The following PLXND1 variants were observed in gnomAD, a reference collection of about 807,000 sequenced individuals.
The protein encoded by PLXND1 is plexin-D1.
A neutral mutation model predicts 197.7 loss-of-function variants in PLXND1; 54 were observed. The observed-to-expected ratio is 0.27, with a 90% CI of 0.22 to 0.34. The LOEUF is 0.34. Among genes scored for constraint, PLXND1 ranks in the 10% least tolerant of loss-of-function variants. The pLI, the probability that PLXND1 is intolerant of heterozygous loss-of-function variation, is 1.00. For missense variants in PLXND1, 2,127 were observed against 2,699.2 expected, an observed-to-expected ratio of 0.79 and a Z score of 4.70; for synonymous variants, 1,180 against 1,161.2, an observed-to-expected ratio of 1.02 and a Z score of -0.33.
Position 129,605,775 on chromosome 3 carries a change from G to A in PLXND1, c.865C>T (p.Pro289Ser). Residue 289 changes from proline to serine, a missense_variant, in exon 1 of 36, where the codon CCG (proline) becomes TCG (serine). By Grantham distance (74) the Pro-to-Ser change is moderately conservative (BLOSUM62 -1). Coordinates refer to ENST00000324093, the MANE Select transcript of PLXND1 (RefSeq NM_015103.3). ...GCGTAGGACTGTGCACCCGGCGGCG[G>A]GTCGGACGGGTGCAGGAAGGCGCTC... The part of the protein sequence containing the change: ...FVSAFLHPSD[P>S]PPGAQSYAYL... 2 of 1,576,950 alleles carry A rather than the reference G, an allele frequency of 1.3e-6. No individual in the cohort carries two copies. Among genetic ancestry groups the A allele is most frequent in the Non-Finnish European group, 1.7e-6 (2 of 1,162,772 alleles).
chr3:129,583,074 A>G (rs866547364), intron 8 of PLXND1, among the ~76,000 whole-genome samples: 10 of 152,196 alleles, frequency 6.6e-5, no homozygotes, highest in Admixed American at 3.9e-4. Flanking sequence ...AGGGGAGAAT[A>G]TGGGCTCCAG....
Position 129,556,618 on chromosome 3 carries a change from T to C in PLXND1, c.5660A>G (p.Gln1887Arg). 2 of 1,610,692 alleles carry C rather than the reference T, an allele frequency of 1.2e-6. No homozygotes were observed. Among genetic ancestry groups the C allele is most frequent in the Admixed American group, 1.7e-5 (1 of 59,816 alleles). The change falls in exon 35 of 36, where the codon CAG becomes CGG. Residue 1887 changes from glutamine (Q) to arginine (R), a missense_variant and splice_region_variant. By Grantham distance (43) the Gln-to-Arg change is conservative (BLOSUM62 1). Around this residue, in one of 6 missense-constraint regions of PLXND1, gnomAD observed 200 missense variants for 303.3 expected, o/e 0.66. Coordinates refer to ENST00000324093, the MANE Select transcript of PLXND1 (RefSeq NM_015103.3). ...IYKYAKRYRP[Q>R]IMAALEANPT... ...GGTGCCTCACCCTGGGGCACTCACCTGCGGCCGATACCTCTTGGCGTACTT... is the reference window on the plus strand; with the variant it reads ...GGTGCCTCACCCTGGGGCACTCACCCGCGGCCGATACCTCTTGGCGTACTT...
intron 5 of PLXND1, among the ~76,000 whole-genome samples, 194 bp from the exon 6 acceptor site, chr3:129,584,756 A>C (rs1222679650): frequency 6.6e-6 from 1 of 152,096 alleles, no homozygotes; most frequent in Non-Finnish European, 1.5e-5. Context: ...CCAGCTGCAA[A>C]ATGAAACATC....
At chr3:129,570,044 A>G in intron 19 of PLXND1, 87 bp from the exon 20 acceptor site, 1 of 765,720 alleles carries the variant, frequency 1.3e-6, no homozygotes, top group South Asian at 1.4e-5. Context: ...CCCTGGGTAA[A>G]TTACCTAACC....
intron 23 of PLXND1, among the ~76,000 whole-genome samples, 185 bp downstream of exon 23, chr3:129,566,342 C>T (rs1437467030): frequency 3.9e-5 from 6 of 152,070 alleles, no homozygotes; most frequent in African/African-American, 1.4e-4. Flanking sequence ...GGGGGCAGCA[C>T]TTATAATACC....
chr3:129,589,373 G>A lies in PLXND1; in HGVS notation c.1466C>T (p.Thr489Met), dbSNP rs771612189. Residue 489 changes from threonine (T) to methionine (M), a missense_variant, in exon 2 of 36, where the codon ACG (threonine) becomes ATG (methionine). This residue lies in a region of PLXND1 where 1,095 missense variants were observed against 1,259.8 expected (regional missense o/e 0.87). Transcript: ENST00000324093. Reference sequence around the variant, plus strand: ...TACCTTGAGAAGCCTCCCGTTGACCGTGCCCAGGAAGACCGCTGTGTAGTT... The same window carrying A: ...TACCTTGAGAAGCCTCCCGTTGACCATGCCCAGGAAGACCGCTGTGTAGTT... ...VNNYTAVFLG[T>M]VNGRLLKINL... The A allele has an allele frequency of 2.4e-5, 32 of 1,318,506 alleles. 1 individual carries two copies. Among genetic ancestry groups the A allele is most frequent in the Admixed American group, 6.8e-5 (3 of 44,276 alleles). 81.7% of individuals were successfully genotyped at this position (1,318,506 alleles called of 1,614,324 possible).
At chr3:129,565,824 G>T in intron 24 of PLXND1, 63 bp downstream of exon 24, 1 of 1,565,464 alleles carries the variant, frequency 6.4e-7, no homozygotes, top group Non-Finnish European at 8.7e-7. Context: ...CCCAGGACCT[G>T]ATGCTGTGTG....
rs1249276228 is a variant in PLXND1 at position 129,572,596 on chromosome 3, C to A, written c.3077+13G>T. 7 of 1,505,526 alleles carry A rather than the reference C, an allele frequency of 4.6e-6. No individual in the cohort carries two copies. The East Asian group carries it at 1.4e-4, about 30-fold the overall frequency. 93.3% of individuals were successfully genotyped at this position (1,505,526 alleles called of 1,614,324 possible). ...TCTGGGCTGGAAGGGATGGGCCAGG[C>A]CCAGAGGCTTACATCAGCTCCGTGC... On this transcript the variant is annotated intron_variant, in intron 15 of 35. Coordinates refer to ENST00000324093, the MANE Select transcript of PLXND1 (RefSeq NM_015103.3).
Position 129,562,812 on chromosome 3 carries a change from C to A in PLXND1, c.4800G>T (p.Trp1600Cys), listed in dbSNP as rs1334369379. ...AFCKNVPYSQWPRAEDVDLEW... is the reference protein window; with the variant it reads ...AFCKNVPYSQCPRAEDVDLEW... ...CAAGGTCGACGTCCTCTGCACGCGG[C>A]CACTGGGAGTAGGGCACATTCTTGC... Residue 1600 changes from tryptophan (W) to cysteine (C), a missense_variant, in exon 27 of 36, where the codon TGG becomes TGT. Trp to Cys is a radical substitution (Grantham distance 215, BLOSUM62 -2). This residue lies in a region of PLXND1 where 532 missense variants were observed against 811.0 expected (regional missense o/e 0.66). Coordinates refer to ENST00000324093, the MANE Select transcript of PLXND1 (RefSeq NM_015103.3). 6.2e-7 allele frequency: 1 copy of A among 1,604,996 alleles called. No homozygotes were observed. Among genetic ancestry groups the A allele is most frequent in the Middle Eastern group, 1.7e-4 (1 of 6,006 alleles).
In PLXND1 at chr3:129,571,183, C is replaced by A. The variant is rs1441995158; in HGVS notation, c.3457G>T (p.Ala1153Ser). ...GRAYADEVAV[A>S]EELLDPEEAQ... ...TCCTCGGGGTCCAGTAGCTCCTCAG[C>A]CACAGCCACCTCGTCTGCGTAGGCC... The change falls in exon 18 of 36, where the codon GCT becomes TCT. Residue 1153 changes from alanine to serine, a missense_variant. By Grantham distance (99) the Ala-to-Ser change is moderately conservative (BLOSUM62 1). Coordinates refer to ENST00000324093, the MANE Select transcript of PLXND1 (RefSeq NM_015103.3). 6.2e-7 allele frequency: 1 copy of A among 1,614,194 alleles called. No homozygotes were observed. Among genetic ancestry groups the A allele is most frequent in the East Asian group, 2.2e-5 (1 of 44,888 alleles).
chr3:129,557,067 C>T lies in PLXND1; in HGVS notation c.5586+16G>A, dbSNP rs761445236. 1.1e-4 allele frequency: 170 copies of T among 1,612,844 alleles called. 3 individuals are homozygous for T. In the South Asian group the frequency reaches 1.7e-3, roughly 16 times the overall value. On this transcript the variant is annotated intron_variant, in intron 34 of 35. Transcript: ENST00000324093. The surrounding 1 kb of genome is among the most constrained non-coding windows in gnomAD (Gnocchi z 4.8). ...AGCTCTTCAGGCCCCCATCCCCCGCCGCCGAGCCACCGCACCCTCGACTCC... is the reference window on the plus strand; with the variant it reads ...AGCTCTTCAGGCCCCCATCCCCCGCTGCCGAGCCACCGCACCCTCGACTCC...
rs756372492 is a variant in PLXND1 at position 129,565,313 on chromosome 3, GCT to G, written c.4521+25_4521+26del. Reference sequence around the variant, plus strand: ...AGTCCCTGCCACGTCCCCCGCCTGGGCTCTGTCTGTCCCCAGGCAGCCTCACC... The same window carrying G: ...AGTCCCTGCCACGTCCCCCGCCTGGGCTGTCTGTCCCCAGGCAGCCTCACC... On this transcript the variant is annotated intron_variant, in intron 25 of 35. Coordinates refer to ENST00000324093, the MANE Select transcript of PLXND1 (RefSeq NM_015103.3). The G allele has an allele frequency of 3.7e-6, 6 of 1,601,054 alleles. No individual in the cohort carries two copies. In the African/African-American group the frequency reaches 8.0e-5, roughly 21 times the overall value.
chr3:129,577,737 A>C lies in PLXND1; in HGVS notation c.2346+592T>G, dbSNP rs1363418703. On this transcript the variant is annotated intron_variant, in intron 9 of 35. Transcript: ENST00000324093. This position sits in a 1 kb window ranked among gnomAD's most constrained non-coding sequence, Gnocchi z 5.0. ...GAGCTGCGTCCCCAACCCCCAGCCC[A>C]GATGGTGGGGGCGGGGCTAGTTGCA... Among the ~76,000 whole-genome samples the C allele has an allele frequency of 6.6e-6, 1 of 152,144 alleles. No individual in the cohort carries two copies. Among genetic ancestry groups the C allele is most frequent in the Non-Finnish European group, 1.5e-5 (1 of 68,010 alleles).
In PLXND1 at chr3:129,583,612, G is replaced by A. The variant is rs2285370; in HGVS notation, c.2196C>T (p.Ser732=). 63,488 of 1,613,718 alleles carry A rather than the reference G, an allele frequency of 0.039. 1,900 individuals carry two copies. The highest frequency in any genetic ancestry group is 0.12 in the East Asian group (5,402 of 44,844). ...WPCFWCSQQH[S]CVSNQSRCEA... ...CGCACCGAGACTGGTTGGAAACACA[G>A]GAGTGCTGCTGGCTGCACCAGAAAC... The change falls in exon 8 of 36, where the codon TCC becomes TCT. Residue 732 remains serine (S), a synonymous_variant. Coordinates refer to ENST00000324093, the MANE Select transcript of PLXND1 (RefSeq NM_015103.3).
intron 8 of PLXND1, among the ~76,000 whole-genome samples, chr3:129,579,638 C>T (rs2108784312): frequency 6.6e-6 from 1 of 152,280 alleles, no homozygotes; most frequent in Non-Finnish European, 1.5e-5. Context: ...CTTGGAGCAG[C>T]CACACCCATG....
At chr3:129,586,384 C>T (rs985739781) in intron 3 of PLXND1, 112 bp from the exon 4 acceptor site, 38 of 1,036,118 alleles carry the variant, frequency 3.7e-5, no homozygotes, top group Admixed American at 8.4e-5. Context: ...TGAGGGTCAA[C>T]ACTCTAATGG....
At chr3:129,563,511 G>A (rs1430710196) in intron 25 of PLXND1, among the ~76,000 whole-genome samples, 2 of 152,238 alleles carry the variant, frequency 1.3e-5, no homozygotes, top group African/African-American at 2.4e-5. Context: ...CAACAGTGCC[G>A]AGGCTCAGAG....
chr3:129,603,457 G>A (rs572610647), intron 1 of PLXND1, among the ~76,000 whole-genome samples: 31 of 152,292 alleles, frequency 2.0e-4, no homozygotes, highest in African/African-American at 7.2e-4. Context: ...AACTACTGGA[G>A]GAAGGCCCTC....
rs148875932 is a variant in PLXND1, at chr3:129,586,010, C to G, written c.1793G>C (p.Ser598Thr). Residue 598 changes from serine (S) to threonine (T), a missense_variant, in exon 5 of 36, where the codon AGC becomes ACC. Transcript: ENST00000324093. ...CAGGACGGTCATGGCAGGACAGCGG[C>G]TGGGGCCCTCGCTGGCACTGGTCCA... ...HFWTSASEGPSRCPAMTVLPS... is the reference protein window; with the variant it reads ...HFWTSASEGPTRCPAMTVLPS... 1.1e-4 allele frequency: 184 copies of G among 1,614,014 alleles called. No homozygotes were observed. In the African/African-American group the frequency reaches 2.1e-3, roughly 19 times the overall value.
Sources: gnomAD v4.1 joint callset for allele counts (sites outside exome capture counted in the v4.1 genomes callset) on GRCh38, gnomAD v4.1.1 for gene constraint, gnomAD v4.1.1 regional missense constraint, Gnocchi (gnomAD v3.1) non-coding constraint, MANE v1.5 for transcripts, NCBI Gene and HGNC (gene_info 2026-07-23, HGNC 2026-07-21) for gene names.